Variants in FSTL3 observed in about 807,000 individuals in gnomAD.
FSTL3 encodes follistatin-related protein 3.
A neutral mutation model predicts 28.1 loss-of-function variants in FSTL3; 21 were observed. The observed-to-expected ratio is 0.75, with a 90% CI of 0.53 to 1.08. The LOEUF (loss-of-function observed/expected upper bound fraction) is 1.08, where lower values mean the gene tolerates loss of function less well. Among genes scored for constraint, FSTL3 ranks in the 50% least tolerant of loss-of-function variants. The probability of loss-of-function intolerance (pLI) is 0.00; values close to 1 mark genes in which losing one functional copy is unlikely to be tolerated. For missense variants in FSTL3, 400 were observed against 380.9 expected (o/e 1.05, Z -0.42); for synonymous variants, 199 against 164.2 (o/e 1.21, Z -1.62).
At chr19:679,441 C>A (rs2144798946) in intron 2 of FSTL3, among the ~76,000 whole-genome samples, 1 of 152,298 alleles carries the variant, frequency 6.6e-6, no homozygotes. Context: ...ATAAACTCAA[C>A]AGCTGTGTTC....
At chr19:681,228 G>A in intron 3 of FSTL3, 105 bp from the exon 4 acceptor site, 1 of 757,930 alleles carries the variant, frequency 1.3e-6, no homozygotes, top group South Asian at 1.8e-5. Flanking sequence ...TCTCCTACCA[G>A]AGGGTTTTCG....
At chr19:677,642 A>C in intron 1 of FSTL3, 150 bp from the exon 2 acceptor site, 1 of 711,900 alleles carries the variant, frequency 1.4e-6, no homozygotes, top group Non-Finnish European at 2.3e-6. Flanking sequence ...CAGGGTGGGG[A>C]CACCCATGTG....
rs542895420 is a variant in FSTL3, at chr19:677,322, GGAGT to G, written c.104-465_104-462del. Among the ~76,000 whole-genome samples, 37 of 152,346 alleles carry G rather than the reference GGAGT, an allele frequency of 2.4e-4. No individual in the cohort carries two copies. The South Asian group carries it at 3.1e-3, about 13-fold the overall frequency. ...CATGCAAGGGGAATGTTCCCAAGTT[GGAGT>G]GAGTAAGAGGCGGGCCAGGCGGTGG... is the stretch of plus-strand genomic sequence containing the variant. On this transcript the variant is annotated intron_variant, in intron 1 of 4. Transcript: ENST00000166139.
rs1348518026 is a variant in FSTL3, at chr19:681,827, A to G, written c.*119A>G. On this transcript the variant is annotated 3_prime_UTR_variant, in exon 5 of 5. Transcript: ENST00000166139. The stretch of plus-strand genomic sequence containing the variant: ...ACTCCTTAGAGCCCGGATTCGGACC[A>G]CTTGGGGATCCCAGAACCTCCCTGA... 1 of 901,452 alleles carries G rather than the reference A, an allele frequency of 1.1e-6. No individual in the cohort carries two copies. Among genetic ancestry groups the G allele is most frequent in the Non-Finnish European group, 1.7e-6 (1 of 571,844 alleles). 55.8% of individuals were successfully genotyped at this position (901,452 alleles called of 1,614,324 possible).
chr19:676,409 G>A lies in FSTL3; in HGVS notation c.-15G>A, dbSNP rs746263154. Reference sequence around the variant, plus strand: ...GCGCTGGGAAGTCGGTGCCGCTGCCGTCTCTGCGTTCGCCATGCGTCCCGG... The same window carrying A: ...GCGCTGGGAAGTCGGTGCCGCTGCCATCTCTGCGTTCGCCATGCGTCCCGG... On this transcript the variant is annotated 5_prime_UTR_variant, in exon 1 of 5. Coordinates refer to ENST00000166139, the MANE Select transcript of FSTL3 (RefSeq NM_005860.3). 18 of 1,080,668 alleles carry A rather than the reference G, an allele frequency of 1.7e-5. No homozygotes were observed. The East Asian group carries it at 3.4e-4, about 20-fold the overall frequency. The allele number at this position is 1,080,668 out of a possible 1,614,324, so 66.9% of individuals were successfully genotyped here. A position where few individuals can be genotyped will look rare whatever the true frequency, so the allele number is the denominator to read the frequency against.
At chr19:677,475 GTGGTGTTTGA>G (rs2031237490) in intron 1 of FSTL3, among the ~76,000 whole-genome samples, 1 of 151,664 alleles carries the variant, frequency 6.6e-6, no homozygotes. Flanking sequence ...CTGGTGTTTG[GTGGTGTTTGA>G]GGGGTTGGGC....
At position 681,396 on chromosome 19, in the gene FSTL3, C is replaced by T; in HGVS notation, c.569C>T (p.Ala190Val). Residue 190 changes from alanine to valine, a missense_variant, in exon 4 of 5, where the codon GCC (alanine) becomes GTC (valine). Coordinates refer to ENST00000166139, the MANE Select transcript of FSTL3 (RefSeq NM_005860.3). ...QSCVVDQTGS[A>V]HCVVCRAAPC... ...TGCGTCGTGGACCAGACGGGCAGCG[C>T]CCACTGCGTGGTGTGTCGAGCGGCG... is the stretch of plus-strand genomic sequence containing the variant. 6.3e-7 allele frequency: 1 copy of T among 1,594,450 alleles called. No individual in the cohort carries two copies. Among genetic ancestry groups the T allele is most frequent in the South Asian group, 1.1e-5 (1 of 90,284 alleles).
chr19:680,191 G>A (rs534056808), intron 2 of FSTL3, 83 bp from the exon 3 acceptor site: 7 of 874,436 alleles, frequency 8.0e-6, no homozygotes, highest in Middle Eastern at 4.2e-4. Flanking sequence ...AAGGGGCGCA[G>A]GGAGGGGCCC....
chr19:683,384 A>AAAGT (rs2031381209), exon 5 of FSTL3: 1 of 66,448 alleles, frequency 1.5e-5, no homozygotes, highest in Admixed American at 2.4e-4. Flanking sequence ...ATAAAGACTC[A>AAAGT]AGCCATTTTG....
chr19:676,417 G>A lies in FSTL3; in HGVS notation c.-7G>A, dbSNP rs1369853811. 5 of 1,150,544 alleles carry A rather than the reference G, an allele frequency of 4.3e-6. No individual in the cohort carries two copies. Among genetic ancestry groups the A allele is most frequent in the Non-Finnish European group, 4.4e-6 (4 of 917,414 alleles). The allele number at this position is 1,150,544 out of a possible 1,614,324, so 71.3% of individuals were successfully genotyped here. On this transcript the variant is annotated 5_prime_UTR_variant, in exon 1 of 5. Coordinates refer to ENST00000166139, the MANE Select transcript of FSTL3 (RefSeq NM_005860.3). ...AAGTCGGTGCCGCTGCCGTCTCTGC[G>A]TTCGCCATGCGTCCCGGGGCGCCAG...
At chr19:676,646 C>A (rs2031217062) in intron 1 of FSTL3, 120 bp downstream of exon 1, 1 of 306,060 alleles carries the variant, frequency 3.3e-6, no homozygotes, top group African/African-American at 2.2e-5. Flanking sequence ...CGGTGTCCGG[C>A]GCAAGCTGGA....
At chr19:678,089 T>G in intron 2 of FSTL3, 112 bp downstream of exon 2, 309 of 1,005,952 alleles carry the variant, frequency 3.1e-4, no homozygotes, top group Non-Finnish European at 4.3e-4. Flanking sequence ...CAGGGGTATG[T>G]AGGAGGCTGC....
intron 1 of FSTL3, among the ~76,000 whole-genome samples, chr19:677,503 C>T (rs1197241009): frequency 3.4e-5 from 5 of 147,842 alleles, no homozygotes; most frequent in Non-Finnish European, 7.4e-5. Context: ...GGCAGGGTGC[C>T]AGCCCCTGGC....
Position 677,955 on chromosome 19 carries a change from T to G in FSTL3, c.267T>G (p.Leu89=). 2 of 1,613,324 alleles carry G rather than the reference T, an allele frequency of 1.2e-6. No homozygotes were observed. Among genetic ancestry groups the G allele is most frequent in the Non-Finnish European group, 1.7e-6 (2 of 1,179,936 alleles). The change falls in exon 2 of 5, where the codon CTT becomes CTG. Residue 89 remains leucine, a synonymous_variant. Transcript: ENST00000166139. ...TCAACCTCCTCGGCTTCTTGGGCCTTGTCCACTGCCTTCCCTGCAAAGGTG... is the reference window on the plus strand; with the variant it reads ...TCAACCTCCTCGGCTTCTTGGGCCTGGTCCACTGCCTTCCCTGCAAAGGTG... ...NKINLLGFLG[L]VHCLPCKDSC...
intron 2 of FSTL3, 126 bp downstream of exon 2, chr19:678,103 G>A (rs756049344): frequency 1.0e-5 from 9 of 858,442 alleles, no homozygotes; most frequent in Non-Finnish European, 1.6e-5. Flanking sequence ...AGGCTGCAGG[G>A]GGATCCCAGC....
intron 2 of FSTL3, among the ~76,000 whole-genome samples, chr19:679,399 C>T (rs1693731114): frequency 6.6e-6 from 1 of 152,172 alleles, no homozygotes; most frequent in African/African-American, 2.4e-5. Context: ...TCGTCAGCCC[C>T]ACTTTACACA....
rs546362697 is a variant in FSTL3 at position 681,239 on chromosome 19, C to T, written c.506-94C>T. 5.1e-3 allele frequency: 4,444 copies of T among 870,172 alleles called. 20 individuals are homozygous for T. Among genetic ancestry groups the T allele is most frequent in the South Asian group, 0.01 (576 of 57,204 alleles). 53.9% of individuals were successfully genotyped at this position (870,172 alleles called of 1,614,324 possible). On this transcript the variant is annotated intron_variant, in intron 3 of 4. Coordinates refer to ENST00000166139, the MANE Select transcript of FSTL3 (RefSeq NM_005860.3). ...TGTGTCTCCTACCAGAGGGTTTTCGCATCTTGGGGGTTAAGGGTGGGTCTT... is the reference window on the plus strand; with the variant it reads ...TGTGTCTCCTACCAGAGGGTTTTCGTATCTTGGGGGTTAAGGGTGGGTCTT...
intron 2 of FSTL3, among the ~76,000 whole-genome samples, chr19:679,455 G>C (rs1257319695): frequency 6.6e-6 from 1 of 152,188 alleles, no homozygotes. Context: ...TGTGTTCAGA[G>C]GCCCTACCAG....
rs2031379583 is a variant in FSTL3 at position 683,305 on chromosome 19, G to A, written c.*1597G>A. 4.4e-6 allele frequency: 1 copy of A among 228,916 alleles called. No individual in the cohort carries two copies. Among genetic ancestry groups the A allele is most frequent in the Non-Finnish European group, 8.7e-6 (1 of 115,138 alleles). 14.2% of individuals were successfully genotyped at this position (228,916 alleles called of 1,614,324 possible). A position where few individuals can be genotyped will look rare whatever the true frequency, so the allele number is the denominator to read the frequency against. ...TGTGGTGCCCAGAAAAGTGCCCCTAGGTTGGTGGGTCTACAGGAGCCTCAG... is the reference window on the plus strand; with the variant it reads ...TGTGGTGCCCAGAAAAGTGCCCCTAAGTTGGTGGGTCTACAGGAGCCTCAG... On this transcript the variant is annotated 3_prime_UTR_variant, in exon 5 of 5. Coordinates refer to ENST00000166139, the MANE Select transcript of FSTL3 (RefSeq NM_005860.3).
Sources: gnomAD v4.1 joint callset for allele counts (sites outside exome capture counted in the v4.1 genomes callset) on GRCh38, gnomAD v4.1.1 for gene constraint, MANE v1.5 for transcripts, NCBI Gene and HGNC (gene_info 2026-07-23, HGNC 2026-07-21) for gene names.